RNASET2: variants seen among roughly 807,000 people sequenced by gnomAD.
RNASET2 encodes ribonuclease T2.
A neutral mutation model predicts 33.9 loss-of-function variants in RNASET2; 28 were observed. That is an observed-to-expected ratio of 0.83 (90% CI 0.61 to 1.13). RNASET2 has a LOEUF of 1.13. Ranked by LOEUF, RNASET2 falls within the 50% of genes most tolerant of loss-of-function variation. RNASET2 has a pLI of 0.00. For synonymous variants in RNASET2, 123 were observed against 121.0 expected (o/e 1.02, Z -0.11); for missense variants, 330 against 319.9 (o/e 1.03, Z -0.24).
rs1778291547 is a variant in RNASET2 at position 166,925,494 on chromosome 6, T to TGTCCAGCCCTCACCTCCCCG, written c.*4074_*4093dup. 2.0e-5 allele frequency among the ~76,000 whole-genome samples: 3 copies of TGTCCAGCCCTCACCTCCCCG among 149,160 alleles called. No individual in the cohort carries two copies. Among genetic ancestry groups the TGTCCAGCCCTCACCTCCCCG allele is most frequent in the African/African-American group, 5.0e-5 (2 of 40,398 alleles). On this transcript the variant is annotated 3_prime_UTR_variant, in exon 9 of 9. Coordinates refer to ENST00000508775, the MANE Select transcript of RNASET2 (RefSeq NM_003730.6). The stretch of plus-strand genomic sequence containing the variant: ...TATACTGCCCAGCCCTCACCTCCCC[T>TGTCCAGCCCTCACCTCCCCG]GTCCAGCCCTCACCTCCCCGGTCCA...
intron 6 of RNASET2, among the ~76,000 whole-genome samples, chr6:166,936,577 A>G (rs1778574914): frequency 6.6e-6 from 1 of 152,182 alleles, no homozygotes; most frequent in South Asian, 2.1e-4. Flanking sequence ...ATGGCCAGAG[A>G]GGAAGCCAGG....
chr6:166,937,686 T>C (rs1224135094), intron 6 of RNASET2, among the ~76,000 whole-genome samples: 1 of 152,186 alleles, frequency 6.6e-6, no homozygotes, highest in African/African-American at 2.4e-5. Context: ...GGGCAACCTA[T>C]CCATTTATTT....
rs186147489 is a variant in RNASET2 at position 166,923,417 on chromosome 6, G to C, written c.*6171C>G. On this transcript the variant is annotated 3_prime_UTR_variant, in exon 9 of 9. Coordinates refer to ENST00000508775, the MANE Select transcript of RNASET2 (RefSeq NM_003730.6). The stretch of plus-strand genomic sequence containing the variant: ...GTATTTTTAGTAGAGATAGGGTTTC[G>C]TCCTGTTGGCCAGGGTGGTCTTGAA... Among the ~76,000 whole-genome samples, 3 of 151,796 alleles carry C rather than the reference G, an allele frequency of 2.0e-5. No individual in the cohort carries two copies. In the East Asian group the frequency reaches 5.8e-4, roughly 29 times the overall value.
In RNASET2 at chr6:166,930,618, A is replaced by G. The variant is rs377511170; in HGVS notation, c.567+426T>C. On this transcript the variant is annotated intron_variant, in intron 8 of 8. Coordinates refer to ENST00000508775, the MANE Select transcript of RNASET2 (RefSeq NM_003730.6). ...CATGCACACATGCATGTACATGCAC[A>G]CACAGCACATGCCCACATAATGTAC... Among the ~76,000 whole-genome samples, 37 of 151,666 alleles carry G rather than the reference A, an allele frequency of 2.4e-4. 1 individual carries two copies. In the South Asian group the frequency reaches 7.5e-3, roughly 31 times the overall value.
At chr6:166,945,438 C>T (rs1458226507) in intron 4 of RNASET2, 1 of 154,644 alleles carries the variant, frequency 6.5e-6, no homozygotes, top group Admixed American at 6.5e-5. Flanking sequence ...GCACCAGGCT[C>T]TGGGGTGTCC....
In RNASET2 at chr6:166,928,002, A is replaced by G. The variant is rs1000896286; in HGVS notation, c.*1586T>C. ...GACAATGACAAGGTGGGGACCCTGGACCCTTGGGCTCCGCTAGCCTTCCCC... is the reference window on the plus strand; with the variant it reads ...GACAATGACAAGGTGGGGACCCTGGGCCCTTGGGCTCCGCTAGCCTTCCCC... On this transcript the variant is annotated 3_prime_UTR_variant, in exon 9 of 9. Coordinates refer to ENST00000508775, the MANE Select transcript of RNASET2 (RefSeq NM_003730.6). 6.6e-6 allele frequency among the ~76,000 whole-genome samples: 1 copy of G among 152,118 alleles called. No homozygotes were observed. Among genetic ancestry groups the G allele is most frequent in the Non-Finnish European group, 1.5e-5 (1 of 68,010 alleles).
At position 166,926,552 on chromosome 6, in the gene RNASET2, A is replaced by G. The variant is rs926455463; in HGVS notation, c.*3036T>C. ...CAGTCTCAAAAAAAAAAAAAAAGAA[A>G]AGAAAAGAAAAGATATCTAGTTCTG... On this transcript the variant is annotated 3_prime_UTR_variant, in exon 9 of 9. Coordinates refer to ENST00000508775, the MANE Select transcript of RNASET2 (RefSeq NM_003730.6). Among the ~76,000 whole-genome samples, 3 of 151,794 alleles carry G rather than the reference A, an allele frequency of 2.0e-5. No homozygotes were observed. Among genetic ancestry groups the G allele is most frequent in the African/African-American group, 7.3e-5 (3 of 41,304 alleles).
At chr6:166,951,787 TTTTC>T (rs1286234807) in intron 2 of RNASET2, among the ~76,000 whole-genome samples, 3 of 152,260 alleles carry the variant, frequency 2.0e-5, no homozygotes, top group Admixed American at 1.3e-4. Flanking sequence ...ATTTTATATA[TTTTC>T]TTTATTATAC....
rs567449455 is a variant in RNASET2 at position 166,954,380 on chromosome 6, T to C, written c.86+1717A>G. The stretch of plus-strand genomic sequence containing the variant: ...CAGCCTGTTTTATGCTAATGTTTAC[T>C]TCCAGCCAGACATCATTCCAAGTTA... On this transcript the variant is annotated intron_variant, in intron 1 of 8. Coordinates refer to ENST00000508775, the MANE Select transcript of RNASET2 (RefSeq NM_003730.6). 4.6e-5 allele frequency among the ~76,000 whole-genome samples: 7 copies of C among 152,386 alleles called. No homozygotes were observed. In the East Asian group the frequency reaches 1.3e-3, roughly 29 times the overall value.
intron 1 of RNASET2, among the ~76,000 whole-genome samples, chr6:166,955,294 AGACGCG>A (rs1562507174): frequency 8.8e-5 from 5 of 56,654 alleles, no homozygotes; most frequent in East Asian, 6.9e-4. Context: ...ACACACGCAC[AGACGCG>A]CACACACGAC....
In RNASET2 at chr6:166,956,123, G is replaced by C; in HGVS notation, c.60C>G (p.Cys20Trp). ...GCAGGCGCTTGTCCGCACCGCCCAG[G>C]CAAAGCAACGCCAGGCAGAGGCAGC... is the stretch of plus-strand genomic sequence containing the variant. ...LLGCLCLALLCLGGADKRLRD... is the reference protein window; with the variant it reads ...LLGCLCLALLWLGGADKRLRD... The change falls in exon 1 of 9, where the codon TGC becomes TGG. Residue 20 changes from cysteine to tryptophan, a missense_variant. Cys to Trp is a radical substitution (Grantham distance 215). Coordinates refer to ENST00000508775, the MANE Select transcript of RNASET2 (RefSeq NM_003730.6). 1 of 1,552,232 alleles carries C rather than the reference G, an allele frequency of 6.4e-7. No individual in the cohort carries two copies. The highest frequency in any genetic ancestry group is 8.7e-7 in the Non-Finnish European group (1 of 1,147,282).
Position 166,926,594 on chromosome 6 carries a change from T to A in RNASET2, c.*2994A>T, listed in dbSNP as rs1778310019. 6.6e-6 allele frequency among the ~76,000 whole-genome samples: 1 copy of A among 151,570 alleles called. No homozygotes were observed. ...CTAGTTCTGAATATGATACAATTGC[T>A]ACTGTTAGTTATTCAAGCGCATAAT... On this transcript the variant is annotated 3_prime_UTR_variant, in exon 9 of 9. Transcript: ENST00000508775.
intron 6 of RNASET2, among the ~76,000 whole-genome samples, chr6:166,935,558 G>A (rs913692176): frequency 1.1e-4 from 16 of 152,324 alleles, no homozygotes; most frequent in East Asian, 1.9e-4. Context: ...ACTCTAGCAC[G>A]TGCCATCAGC....
At chr6:166,943,703 T>C (rs1778754381) in intron 4 of RNASET2, 1 of 467,992 alleles carries the variant, frequency 2.1e-6, no homozygotes, top group Non-Finnish European at 4.4e-6. Context: ...AAAGTATCAG[T>C]ATCAGTTCAT....
rs892165705 is a variant in RNASET2, at chr6:166,931,172, C to T, written c.493-54G>A. The T allele has an allele frequency of 1.0e-5, 13 of 1,247,078 alleles. No individual in the cohort carries two copies. The East Asian group carries it at 1.4e-4, about 13-fold the overall frequency. The allele number at this position is 1,247,078 out of a possible 1,614,324, so 77.3% of individuals were successfully genotyped here. On this transcript the variant is annotated intron_variant, in intron 7 of 8. Transcript: ENST00000508775. The stretch of plus-strand genomic sequence containing the variant: ...TTAAACTTCAACAGAAAAGATCTGA[C>T]AGTTCTGGACTATCCTGAGCGCAAC...
intron 3 of RNASET2, chr6:166,946,964 C>T (rs535266934): frequency 1.2e-5 from 7 of 595,174 alleles, no homozygotes; most frequent in Non-Finnish European, 2.1e-5. Context: ...GTTAAACCGT[C>T]CAGGAGTAAT....
chr6:166,937,918 G>C (rs938141301), intron 6 of RNASET2, among the ~76,000 whole-genome samples: 1 of 152,178 alleles, frequency 6.6e-6, no homozygotes, highest in Non-Finnish European at 1.5e-5. Flanking sequence ...AGTTGCAGCT[G>C]TTAGACTGCG....
intron 4 of RNASET2, chr6:166,943,988 C>G (rs1405460668): frequency 4.4e-6 from 1 of 225,848 alleles, no homozygotes; most frequent in Non-Finnish European, 9.1e-6. Flanking sequence ...GGCACGGTGC[C>G]ACATGCCTGT....
rs537138218 is a variant in RNASET2 at position 166,928,268 on chromosome 6, G to A, written c.*1320C>T. On this transcript the variant is annotated 3_prime_UTR_variant, in exon 9 of 9. Transcript: ENST00000508775. ...CCACTGAGTCTAGGATCAGGACTGCGACACCTACTTTCTCACCGTCCCATC... is the reference window on the plus strand; with the variant it reads ...CCACTGAGTCTAGGATCAGGACTGCAACACCTACTTTCTCACCGTCCCATC... Among the ~76,000 whole-genome samples, 19 of 152,286 alleles carry A rather than the reference G, an allele frequency of 1.2e-4. 1 individual carries two copies. Among genetic ancestry groups the A allele is most frequent in the African/African-American group, 4.6e-4 (19 of 41,546 alleles).
Sources: allele counts gnomAD v4.1 joint callset (sites outside exome capture counted in the v4.1 genomes callset), GRCh38; gene constraint gnomAD v4.1.1; transcripts MANE v1.5; gene names NCBI Gene and HGNC (gene_info 2026-07-23, HGNC 2026-07-21).